Variants in MOGAT2 observed in about 807,000 individuals in gnomAD.
The protein encoded by MOGAT2 is 2-acylglycerol O-acyltransferase 2.
A neutral mutation model predicts 31.5 loss-of-function variants in MOGAT2; 27 were observed. The ratio of observed to expected loss-of-function variants is 0.86; its 90% CI spans 0.63 to 1.18. The LOEUF (loss-of-function observed/expected upper bound fraction) is 1.18. Ranked by LOEUF, MOGAT2 falls within the 50% of genes most tolerant of loss-of-function variation. The probability of loss-of-function intolerance (pLI) is 0.00; values close to 1 mark genes in which losing one functional copy is unlikely to be tolerated. For synonymous variants in MOGAT2, 163 were observed against 170.0 expected (o/e 0.96, Z 0.32); for missense variants, 436 against 433.2 (o/e 1.01, Z -0.06).
intron 2 of MOGAT2, among the ~76,000 whole-genome samples, chr11:75,727,154 G>A (rs1944428303): frequency 6.6e-6 from 1 of 152,114 alleles, no homozygotes; most frequent in African/African-American, 2.4e-5. Flanking sequence ...GCAGGGACAG[G>A]TCCAAATACT....
chr11:75,728,918 T>A lies in MOGAT2; in HGVS notation c.779T>A (p.Leu260His). The change falls in exon 5 of 6, where the codon CTC (leucine) becomes CAC (histidine). Residue 260 changes from leucine to histidine, a missense_variant. By Grantham distance (99) the Leu-to-His change is moderately conservative. Coordinates refer to ENST00000198801, the MANE Select transcript of MOGAT2 (RefSeq NM_025098.4). ...LQKIMGISLPLFHGRGVFQYS... is the reference protein window; with the variant it reads ...LQKIMGISLPHFHGRGVFQYS... ...AAGATCATGGGCATCTCCCTCCCACTCTTTCATGGCCGTGGTGTCTTCCAG... is the reference window on the plus strand; with the variant it reads ...AAGATCATGGGCATCTCCCTCCCACACTTTCATGGCCGTGGTGTCTTCCAG... 6.2e-7 allele frequency: 1 copy of A among 1,614,192 alleles called. No individual in the cohort carries two copies. The highest frequency in any genetic ancestry group is 8.5e-7 in the Non-Finnish European group (1 of 1,180,036).
At chr11:75,720,665 G>A (rs1186002534) in intron 2 of MOGAT2, among the ~76,000 whole-genome samples, 2 of 152,146 alleles carry the variant, frequency 1.3e-5, no homozygotes, top group Admixed American at 6.5e-5. Context: ...AGGGACAGAG[G>A]AGAGAGCCCT....
chr11:75,724,757 C>T (rs1264804015), intron 2 of MOGAT2, among the ~76,000 whole-genome samples: 2 of 152,302 alleles, frequency 1.3e-5, no homozygotes, highest in African/African-American at 4.8e-5. Context: ...TCAGAGGCAA[C>T]GATGACTACC....
intron 5 of MOGAT2, among the ~76,000 whole-genome samples, chr11:75,730,546 A>G (rs1565302743): frequency 6.6e-6 from 1 of 152,220 alleles, no homozygotes; most frequent in African/African-American, 2.4e-5. Context: ...TAGGAATGAC[A>G]GGTTTTTATA....
In MOGAT2 at chr11:75,727,610, C is replaced by A; in HGVS notation, c.446C>A (p.Pro149His). Residue 149 changes from proline (P) to histidine (H), a missense_variant, in exon 3 of 6, where the codon CCC (proline) becomes CAC (histidine). Pro to His is a moderately conservative substitution (Grantham distance 77, BLOSUM62 -2). Transcript: ENST00000198801. ...LMMLTLWFRA[P>H]FFRDYIMSAG... ...ATGCTGACCTTGTGGTTCCGGGCCC[C>A]CTTCTTCAGAGATTACATCATGTCT... 1 of 1,614,138 alleles carries A rather than the reference C, an allele frequency of 6.2e-7. No individual in the cohort carries two copies. Among genetic ancestry groups the A allele is most frequent in the Non-Finnish European group, 8.5e-7 (1 of 1,180,008 alleles).
At position 75,720,058 on chromosome 11, in the gene MOGAT2, A is replaced by T. The variant is rs1466120779; in HGVS notation, c.158A>T (p.Tyr53Phe). 3.1e-6 allele frequency: 5 copies of T among 1,614,050 alleles called. No homozygotes were observed. The change falls in exon 2 of 6, where the codon TAT becomes TTT. Residue 53 changes from tyrosine to phenylalanine, a missense_variant. By Grantham distance (22) the Tyr-to-Phe change is conservative. Coordinates refer to ENST00000198801, the MANE Select transcript of MOGAT2 (RefSeq NM_025098.4). ...AGATTCTGGCTCCTCACTGTCCTGT[A>T]TGCGGCCTGGTGGTATCTGGACCGA... The part of the protein sequence containing the change: ...FTRFWLLTVL[Y>F]AAWWYLDRDK...
In MOGAT2 at chr11:75,731,116, C is replaced by T; in HGVS notation, c.851-16C>T. On this transcript the variant is annotated splice_polypyrimidine_tract_variant and intron_variant, in intron 5 of 5. Transcript: ENST00000198801. ...CTTGCCTACCCTAGGCCACTGCACA[C>T]CTCTATGCCTTGCAGTGGGGAAGCC... The T allele has an allele frequency of 6.2e-7, 1 of 1,612,732 alleles. No homozygotes were observed. Among genetic ancestry groups the T allele is most frequent in the Non-Finnish European group, 8.5e-7 (1 of 1,179,534 alleles).
intron 2 of MOGAT2, among the ~76,000 whole-genome samples, chr11:75,725,391 T>C (rs1035631237): frequency 1.3e-5 from 2 of 151,878 alleles, no homozygotes; most frequent in African/African-American, 4.8e-5. Flanking sequence ...TACTAAAAAA[T>C]ACAAAATTTA....
chr11:75,720,353 T>A (rs1944367436), intron 2 of MOGAT2, among the ~76,000 whole-genome samples, 183 bp downstream of exon 2: 1 of 152,170 alleles, frequency 6.6e-6, no homozygotes, highest in Non-Finnish European at 1.5e-5. Context: ...TTCTCTCCGA[T>A]CATGGTTTCG....
At chr11:75,721,687 AGAGCCC>A in intron 2 of MOGAT2, among the ~76,000 whole-genome samples, 1 of 152,264 alleles carries the variant, frequency 6.6e-6, no homozygotes, top group African/African-American at 2.4e-5. Context: ...GAGGACTCTG[AGAGCCC>A]AAGCCCTGCT....
intron 2 of MOGAT2, among the ~76,000 whole-genome samples, chr11:75,724,898 A>G: frequency 6.6e-6 from 1 of 152,116 alleles, no homozygotes; most frequent in East Asian, 1.9e-4. Flanking sequence ...CCCTATCAGG[A>G]CAGAAAAAGC....
intron 4 of MOGAT2, chr11:75,728,438 G>C (rs1040651256): frequency 1.1e-5 from 6 of 563,934 alleles, no homozygotes; most frequent in East Asian, 3.2e-5. Flanking sequence ...TTTCAGAGCT[G>C]TTCTCCCTCC....
At chr11:75,728,614 T>C (rs1944443745) in intron 4 of MOGAT2, 176 bp from the exon 5 acceptor site, 1 of 620,932 alleles carries the variant, frequency 1.6e-6, no homozygotes, top group Non-Finnish European at 2.8e-6. Flanking sequence ...CTGCCCAAGG[T>C]CAGAGAATGG....
At chr11:75,719,129 G>A (rs757656428) in intron 1 of MOGAT2, among the ~76,000 whole-genome samples, 2 of 152,148 alleles carry the variant, frequency 1.3e-5, no homozygotes, top group African/African-American at 4.8e-5. Flanking sequence ...AGGGTTTTTA[G>A]ACATTTTACA....
At chr11:75,725,637 TG>T (rs1338692472) in intron 2 of MOGAT2, among the ~76,000 whole-genome samples, 1 of 152,212 alleles carries the variant, frequency 6.6e-6, no homozygotes, top group East Asian at 1.9e-4. Flanking sequence ...TCAGCCTGGA[TG>T]GGGCAGACAG....
chr11:75,728,230 G>A (rs765532208), intron 4 of MOGAT2, 86 bp downstream of exon 4: 3 of 1,389,144 alleles, frequency 2.2e-6, no homozygotes, highest in Non-Finnish European at 2.0e-6. Context: ...AGAGACGAAT[G>A]CAGATTCTAT....
rs569051311 is a variant in MOGAT2 at position 75,719,477 on chromosome 11, A to C, written c.92-515A>C. On this transcript the variant is annotated intron_variant, in intron 1 of 5. Transcript: ENST00000198801. ...GGCTGAGCTACTTGGACTGTGCCCA[A>C]AGTTATGGGGAAGTCATGAAGGGCT... is the stretch of plus-strand genomic sequence containing the variant. The C allele has an allele frequency of 7.5e-4, 116 of 154,424 alleles. 1 individual carries two copies. Among genetic ancestry groups the C allele is most frequent in the South Asian group, 3.4e-3 (17 of 4,966 alleles). The allele number at this position is 154,424 out of a possible 1,614,324, so 9.6% of individuals were successfully genotyped here. A position where few individuals can be genotyped will look rare whatever the true frequency, so the allele number is the denominator to read the frequency against.
At chr11:75,725,598 G>A (rs943763909) in intron 2 of MOGAT2, among the ~76,000 whole-genome samples, 16 of 150,434 alleles carry the variant, frequency 1.1e-4, no homozygotes, top group Non-Finnish European at 2.2e-4. Flanking sequence ...GGCCATGTCC[G>A]GGTCAAGGAC....
At chr11:75,731,024 A>C (rs905914057) in intron 5 of MOGAT2, 108 bp from the exon 6 acceptor site, 11 of 846,590 alleles carry the variant, frequency 1.3e-5, no homozygotes, top group Non-Finnish European at 2.0e-5. Flanking sequence ...TAGGGTTGGA[A>C]GGAATGGAGT....
Sources: allele counts gnomAD v4.1 joint callset (sites outside exome capture counted in the v4.1 genomes callset), GRCh38; gene constraint gnomAD v4.1.1; transcripts MANE v1.5; gene names NCBI Gene and HGNC (gene_info 2026-07-23, HGNC 2026-07-21).